The following ZIM2 variants were observed in gnomAD, a reference collection of about 807,000 sequenced individuals.
The protein encoded by ZIM2 is zinc finger imprinted 2.
Under a neutral mutation model 38.6 loss-of-function variants are expected in ZIM2, and 14 were observed. That is an observed-to-expected ratio of 0.36 (90% CI 0.24 to 0.57). The LOEUF (loss-of-function observed/expected upper bound fraction) is 0.57, where lower values mean the gene tolerates loss of function less well. Among genes scored for constraint, ZIM2 ranks in the 20% least tolerant of loss-of-function variants. ZIM2 has a pLI of 0.81. For missense variants in ZIM2, 680 were observed against 695.1 expected, an observed-to-expected ratio of 0.98 and a Z score of 0.24; for synonymous variants, 247 against 245.8, an observed-to-expected ratio of 1.00 and a Z score of -0.04.
intron 9 of ZIM2, chr19:56,815,372 A>G (rs1398833265): frequency 6.8e-6 from 11 of 1,614,096 alleles, no homozygotes; most frequent in African/African-American, 1.3e-5. Flanking sequence ...TCTTTAGCAT[A>G]CTGCTCTTGG....
intron 7 of ZIM2, among the ~76,000 whole-genome samples, chr19:56,820,801 C>T (rs904073650): frequency 6.6e-6 from 1 of 152,214 alleles, no homozygotes; most frequent in Non-Finnish European, 1.5e-5. Flanking sequence ...CAGGGCAGGG[C>T]CCCTCTCTGT....
intron 2 of ZIM2, 23 bp from the exon 3 acceptor site, chr19:56,826,486 A>C (rs2061042502): frequency 6.6e-6 from 1 of 152,242 alleles, no homozygotes; most frequent in South Asian, 2.1e-4. Flanking sequence ...TAAAGGAAGA[A>C]ATACACAGAC....
chr19:56,817,566 C>G lies in ZIM2; in HGVS notation c.490+180G>C, dbSNP rs370569730. 1.9e-6 allele frequency: 3 copies of G among 1,590,944 alleles called. No individual in the cohort carries two copies. In the South Asian group the frequency reaches 3.4e-5, roughly 18 times the overall value. On this transcript the variant is annotated intron_variant, in intron 9 of 12. Transcript: ENST00000629319. The stretch of plus-strand genomic sequence containing the variant: ...GGTGGGTTGATTTTTTGGCTTCAGG[C>G]ATAGTTTTTAGACCTGGAAAGAAAC...
chr19:56,813,960 T>C (rs748571661), intron 9 of ZIM2: 2 of 1,614,128 alleles, frequency 1.2e-6, no homozygotes, highest in Non-Finnish European at 1.7e-6. Flanking sequence ...TCTCTTGATC[T>C]TCACCTTCTT....
intron 6 of ZIM2, among the ~76,000 whole-genome samples, chr19:56,822,199 G>T (rs1368779421): frequency 6.6e-6 from 1 of 152,116 alleles, no homozygotes; most frequent in Non-Finnish European, 1.5e-5. Context: ...TCCTTCTCCT[G>T]ATCAATTTTA....
At chr19:56,796,074 G>A (rs1356706686) in intron 9 of ZIM2, among the ~76,000 whole-genome samples, 1 of 152,124 alleles carries the variant, frequency 6.6e-6, no homozygotes, top group Non-Finnish European at 1.5e-5. Flanking sequence ...CTGATCTGAA[G>A]TGCCCCACCA....
intron 9 of ZIM2, among the ~76,000 whole-genome samples, chr19:56,795,855 A>G (rs2047194508): frequency 6.6e-6 from 1 of 152,186 alleles, no homozygotes; most frequent in African/African-American, 2.4e-5. Flanking sequence ...AAACAAAAAC[A>G]AAACAAAACA....
chr19:56,838,844 G>A (rs2062554096), intron 1 of ZIM2, among the ~76,000 whole-genome samples: 1 of 152,152 alleles, frequency 6.6e-6, no homozygotes, highest in Admixed American at 6.5e-5. Context: ...AGCAACCGTG[G>A]CCCCGCCCCT....
intron 9 of ZIM2, chr19:56,815,479 T>C (rs1189798228): frequency 6.2e-7 from 1 of 1,614,042 alleles, no homozygotes; most frequent in African/African-American, 1.3e-5. Flanking sequence ...ATGAATCTTC[T>C]GGTGCTCAGT....
chr19:56,817,977 G>A (rs780807331), intron 8 of ZIM2, 139 bp from the exon 9 acceptor site: 2 of 658,858 alleles, frequency 3.0e-6, no homozygotes, highest in East Asian at 5.4e-5. Context: ...GAAGACATTT[G>A]CTGTCTCATT....
At position 56,810,442 on chromosome 19, in the gene ZIM2, T is replaced by C. The variant is rs924516084; in HGVS notation, c.490+7304A>G. On this transcript the variant is annotated intron_variant, in intron 9 of 12. Transcript: ENST00000629319. ...TCCCATCTTTGACATTTATGCATAC[T>C]TATCACTAACACCCTAATAATCACA... The C allele has an allele frequency of 4.1e-6, 4 of 984,006 alleles. No homozygotes were observed. The African/African-American group carries it at 7.0e-5, about 17-fold the overall frequency. 61.0% of individuals were successfully genotyped at this position (984,006 alleles called of 1,614,324 possible). A position where few individuals can be genotyped will look rare whatever the true frequency, so the allele number is the denominator to read the frequency against.
chr19:56,814,136 C>A lies in ZIM2; in HGVS notation c.490+3610G>T, dbSNP rs752295150. On this transcript the variant is annotated intron_variant, in intron 9 of 12. Coordinates refer to ENST00000629319, the MANE Select transcript of ZIM2 (RefSeq NM_001387356.1). This position sits in a 1 kb window ranked among gnomAD's most constrained non-coding sequence, Gnocchi z 5.8. ...TCGGCCTCTCCATTTGGCTGTCCAG[C>A]CTCTCCAATGGGCTCTGCAGCCTCT... 1 of 1,614,200 alleles carries A rather than the reference C, an allele frequency of 6.2e-7. No individual in the cohort carries two copies. Among genetic ancestry groups the A allele is most frequent in the Non-Finnish European group, 8.5e-7 (1 of 1,180,034 alleles).
At chr19:56,788,545 G>GT (rs1335119079) in intron 10 of ZIM2, among the ~76,000 whole-genome samples, 2 of 152,104 alleles carry the variant, frequency 1.3e-5, no homozygotes, top group African/African-American at 4.8e-5. Flanking sequence ...CCCTTTGTGG[G>GT]TAACCCGACC....
At chr19:56,834,156 C>T (rs74595585) in intron 2 of ZIM2, among the ~76,000 whole-genome samples, 3 of 152,098 alleles carry the variant, frequency 2.0e-5, no homozygotes, top group Non-Finnish European at 4.4e-5. Flanking sequence ...ATTGGCTCAT[C>T]TGATTTTTTT....
At chr19:56,794,443 A>G (rs532210632) in intron 9 of ZIM2, among the ~76,000 whole-genome samples, 1 of 152,314 alleles carries the variant, frequency 6.6e-6, no homozygotes, top group East Asian at 1.9e-4. Flanking sequence ...TTTTATTTCT[A>G]TAATTTAACA....
At position 56,821,747 on chromosome 19, in the gene ZIM2, A is replaced by C. The variant is rs753858489; in HGVS notation, c.198T>G (p.Pro66=). The change falls in exon 7 of 13, where the codon CCT becomes CCG. Residue 66 remains proline (P), a synonymous_variant. Transcript: ENST00000629319. The stretch of plus-strand genomic sequence containing the variant: ...CCACAGGAAGGGAAAGATCCCGCGG[A>C]GGCATCCCTGGGAAGAAAAAAGGCA... ...SHTRNPRSRM[P]PRDLSLPVVA... 2.5e-6 allele frequency: 4 copies of C among 1,613,744 alleles called. No homozygotes were observed. In the African/African-American group the frequency reaches 5.3e-5, roughly 22 times the overall value.
At chr19:56,783,012 C>T (rs2046405223) in intron 10 of ZIM2, among the ~76,000 whole-genome samples, 1 of 151,964 alleles carries the variant, frequency 6.6e-6, no homozygotes, top group African/African-American at 2.4e-5. Context: ...TCCCTCCAGC[C>T]CCCCAACTAC....
chr19:56,801,724 G>A (rs752068583), intron 9 of ZIM2, among the ~76,000 whole-genome samples: 5 of 152,168 alleles, frequency 3.3e-5, no homozygotes, highest in Non-Finnish European at 7.3e-5. Flanking sequence ...CAATCCTATT[G>A]TAGCTCTCAG....
chr19:56,779,612 C>G (rs777868442), intron 11 of ZIM2, 140 bp from the exon 12 acceptor site: 6 of 726,192 alleles, frequency 8.3e-6, no homozygotes, highest in South Asian at 1.8e-5. Flanking sequence ...GATTTTACCC[C>G]CTAAGGGACA....
Sources: gnomAD v4.1 joint callset for allele counts (sites outside exome capture counted in the v4.1 genomes callset) on GRCh38, gnomAD v4.1.1 for gene constraint, Gnocchi (gnomAD v3.1) non-coding constraint, MANE v1.5 for transcripts, NCBI Gene and HGNC (gene_info 2026-07-23, HGNC 2026-07-21) for gene names.